The following PCBP3 variants were observed in gnomAD, a reference collection of about 807,000 sequenced individuals.
The protein encoded by PCBP3 is poly(rC)-binding protein 3.
A neutral mutation model predicts 52.7 loss-of-function variants in PCBP3; 25 were observed. That is an observed-to-expected ratio of 0.47 (90% CI 0.35 to 0.66). PCBP3 has a LOEUF of 0.66. Among genes scored for constraint, PCBP3 ranks in the 30% least tolerant of loss-of-function variants. PCBP3 has a pLI of 0.01. For synonymous variants in PCBP3, 162 were observed against 183.0 expected, an observed-to-expected ratio of 0.89 and a Z score of 0.93; for missense variants, 391 against 490.3, an observed-to-expected ratio of 0.80 and a Z score of 1.91.
At chr21:45,875,047 C>T (rs1257823861) in intron 5 of PCBP3, among the ~76,000 whole-genome samples, 1 of 152,250 alleles carries the variant, frequency 6.6e-6, no homozygotes, top group Non-Finnish European at 1.5e-5. Flanking sequence ...CTCACAAAGC[C>T]AGTCACTGAG....
At chr21:45,939,672 T>C (rs2077243040) in intron 16 of PCBP3, among the ~76,000 whole-genome samples, 2 of 152,234 alleles carry the variant, frequency 1.3e-5, no homozygotes, top group South Asian at 4.1e-4. Flanking sequence ...CCTGCTCAGC[T>C]GCTGGCTGCC....
At chr21:45,650,764 G>A (rs898922672) in intron 1 of PCBP3, among the ~76,000 whole-genome samples, 6 of 152,124 alleles carry the variant, frequency 3.9e-5, no homozygotes, top group African/African-American at 1.4e-4. Flanking sequence ...TGGAAATTTG[G>A]CAAAATCGAT....
chr21:45,892,394 A>G (rs1047381589), intron 5 of PCBP3, among the ~76,000 whole-genome samples: 3 of 134,094 alleles, frequency 2.2e-5, no homozygotes, highest in Non-Finnish European at 3.1e-5. Context: ...AAGGAAACAG[A>G]GTGCATTAGT....
chr21:45,686,869 C>G (rs148758758), intron 2 of PCBP3, among the ~76,000 whole-genome samples: 2 of 151,950 alleles, frequency 1.3e-5, no homozygotes, highest in African/African-American at 2.4e-5. Flanking sequence ...GAAAAAAGAG[C>G]TTCAGTGACC....
chr21:45,736,578 G>T lies in PCBP3; in HGVS notation c.-162+1149G>T, dbSNP rs954805696. ...GCAGGGGGAGGCCCTCGGAGAGATG[G>T]CATGGGGAGTTGGCAGGGGGAGGCT... On this transcript the variant is annotated intron_variant, in intron 3 of 17. Transcript: ENST00000681687. This position sits in a 1 kb window ranked among gnomAD's most constrained non-coding sequence, Gnocchi z 4.6. Among the ~76,000 whole-genome samples, 9 of 152,244 alleles carry T rather than the reference G, an allele frequency of 5.9e-5. No homozygotes were observed. Among genetic ancestry groups the T allele is most frequent in the South Asian group, 4.2e-4 (2 of 4,816 alleles).
At chr21:45,903,828 C>A (rs2839044) in intron 9 of PCBP3, among the ~76,000 whole-genome samples, 70,988 of 151,946 alleles carry the variant, frequency 0.47, 18,487 homozygotes, top group African/African-American at 0.71. Flanking sequence ...CCGTCTGTTT[C>A]TGAAGAATGG....
intron 2 of PCBP3, among the ~76,000 whole-genome samples, chr21:45,679,475 A>G (rs997037598): frequency 4.6e-5 from 7 of 152,296 alleles, no homozygotes; most frequent in Middle Eastern, 3.4e-3. Context: ...ACATAATGCT[A>G]TTGCACACAA....
chr21:45,936,174 T>C (rs985358468), intron 16 of PCBP3, among the ~76,000 whole-genome samples: 1 of 152,188 alleles, frequency 6.6e-6, no homozygotes, highest in African/African-American at 2.4e-5. Context: ...GAAGCACAGA[T>C]TTGGCAGTTC....
chr21:45,901,163 T>A, intron 9 of PCBP3, 50 bp downstream of exon 9: 3 of 1,335,888 alleles, frequency 2.2e-6, no homozygotes, highest in Non-Finnish European at 3.2e-6. Context: ...GCAGGCCTGG[T>A]CCCAGCTGGC....
At chr21:45,646,107 C>CTCTCTCTCTCTCTCTGTGTGTGTG (rs1555895746) in intron 1 of PCBP3, among the ~76,000 whole-genome samples, 1 of 83,780 alleles carries the variant, frequency 1.2e-5, no homozygotes, top group Non-Finnish European at 2.3e-5. Context: ...CTCTCTCTCT[C>CTCTCTCTCTCTCTCTGTGTGTGTG]TGTGTGTGTG....
At chr21:45,871,116 C>A in intron 5 of PCBP3, 1 of 180,880 alleles carries the variant, frequency 5.5e-6, no homozygotes, top group Non-Finnish European at 1.1e-5. Flanking sequence ...GGGAACCCCC[C>A]AGGGAAGGCC....
intron 1 of PCBP3, among the ~76,000 whole-genome samples, chr21:45,657,216 A>T (rs191187410): frequency 4.1e-4 from 63 of 152,096 alleles, no homozygotes; most frequent in Admixed American, 1.2e-3. Flanking sequence ...GTGCTTTGTC[A>T]TATTTAAGAC....
In PCBP3 at chr21:45,827,013, G is replaced by A. The variant is rs995167194; in HGVS notation, c.-125-22948G>A. On this transcript the variant is annotated intron_variant, in intron 4 of 17. Coordinates refer to ENST00000681687, the MANE Select transcript of PCBP3 (RefSeq NM_001384156.1). This position sits in a 1 kb window ranked among gnomAD's most constrained non-coding sequence, Gnocchi z 4.3. ...GCATCAAGGAGGCTGACAGGGACAC[G>A]TACTCCCAGCTGAGCCAGGGAGCAT... is the stretch of plus-strand genomic sequence containing the variant. 2.3e-4 allele frequency among the ~76,000 whole-genome samples: 35 copies of A among 152,104 alleles called. No homozygotes were observed. The highest frequency in any genetic ancestry group is 8.5e-4 in the African/African-American group (35 of 41,420).
intron 12 of PCBP3, chr21:45,916,772 C>T (rs185342731): frequency 5.2e-5 from 8 of 152,412 alleles, no homozygotes; most frequent in African/African-American, 1.7e-4. Context: ...GTCCCGAGTC[C>T]TGACAGCTGT....
At chr21:45,739,903 G>C (rs2086293844) in intron 3 of PCBP3, among the ~76,000 whole-genome samples, 1 of 152,222 alleles carries the variant, frequency 6.6e-6, no homozygotes, top group African/African-American at 2.4e-5. Context: ...GGTAGAACAA[G>C]ATCACAGCAT....
chr21:45,669,711 G>T lies in PCBP3; in HGVS notation c.-200+759G>T, dbSNP rs115727552. Among the ~76,000 whole-genome samples the T allele has an allele frequency of 5.9e-3, 885 of 149,540 alleles. 9 individuals are homozygous for T. Among genetic ancestry groups the T allele is most frequent in the African/African-American group, 0.021 (842 of 40,584 alleles). Reference sequence around the variant, plus strand: ...TTGTGACTGGCTTATTTAATGTAGCGTACTGTCTTCAGGGTTCATCCATGT... The same window carrying T: ...TTGTGACTGGCTTATTTAATGTAGCTTACTGTCTTCAGGGTTCATCCATGT... On this transcript the variant is annotated intron_variant, in intron 2 of 17. Transcript: ENST00000681687.
At chr21:45,761,024 T>G (rs1228336843) in intron 4 of PCBP3, 1 of 151,418 alleles carries the variant, frequency 6.6e-6, no homozygotes, top group Non-Finnish European at 1.5e-5. Context: ...GAGGCGGAGG[T>G]TTCTGTGAGC....
chr21:45,682,194 T>C (rs767137), intron 2 of PCBP3, among the ~76,000 whole-genome samples: 29,509 of 152,126 alleles, frequency 0.19, 3,094 homozygotes, highest in Middle Eastern at 0.33. Flanking sequence ...TTGGGGCTTC[T>C]TCCCCCTCCC....
intron 4 of PCBP3, among the ~76,000 whole-genome samples, chr21:45,823,517 C>T (rs995567326): frequency 3.3e-5 from 5 of 152,046 alleles, no homozygotes; most frequent in African/African-American, 4.8e-5. Context: ...CCACGCGTGT[C>T]CGTTCTTCTG....
Sources: allele counts gnomAD v4.1 joint callset (sites outside exome capture counted in the v4.1 genomes callset), GRCh38; gene constraint gnomAD v4.1.1; non-coding constraint Gnocchi (gnomAD v3.1); transcripts MANE v1.5; gene names NCBI Gene and HGNC (gene_info 2026-07-23, HGNC 2026-07-21).